The following DDHD2 variants were observed in gnomAD, a reference collection of about 807,000 sequenced individuals.
The protein encoded by DDHD2 is triacylglycerol hydrolase DDHD2.
A neutral mutation model predicts 91.2 loss-of-function variants in DDHD2; 62 were observed. That is an observed-to-expected ratio of 0.68 (90% CI 0.55 to 0.84). The LOEUF (loss-of-function observed/expected upper bound fraction) is 0.84, where lower values mean the gene tolerates loss of function less well. Among genes scored for constraint, DDHD2 ranks in the 40% least tolerant of loss-of-function variants. The pLI is 0.00. For synonymous variants in DDHD2, 271 were observed against 293.9 expected, an observed-to-expected ratio of 0.92 and a Z score of 0.80; for missense variants, 740 against 846.9, an observed-to-expected ratio of 0.87 and a Z score of 1.57.
At chr8:38,268,234 T>C (rs1252691461) in intron 1 of DDHD2, 7 of 1,064,182 alleles carry the variant, frequency 6.6e-6, no homozygotes, top group African/African-American at 1.6e-5. Context: ...AGTGCTATTT[T>C]CCTCTCCCGC....
Position 38,251,902 on chromosome 8 carries a change from T to G in DDHD2, c.1345-10T>G, listed in dbSNP as rs1342988222. ...CCAGCTTCTCCACATAACTATTTTT[T>G]ATTCTTTAGGGTATTAAGAGACCAG... On this transcript the variant is annotated splice_polypyrimidine_tract_variant and intron_variant, in intron 11 of 17. Coordinates refer to ENST00000397166, the MANE Select transcript of DDHD2 (RefSeq NM_015214.3). The G allele has an allele frequency of 6.2e-7, 1 of 1,604,268 alleles. No homozygotes were observed. The highest frequency in any genetic ancestry group is 8.5e-7 in the Non-Finnish European group (1 of 1,171,158).
chr8:38,238,806 CTG>C (rs1185328961), intron 5 of DDHD2: 1 of 555,472 alleles, frequency 1.8e-6, no homozygotes, highest in Non-Finnish European at 2.3e-6. Context: ...GATTCAATAA[CTG>C]TATTATGGTT....
At chr8:38,252,091 T>C in intron 12 of DDHD2, 41 bp from the exon 13 acceptor site, 1 of 1,612,798 alleles carries the variant, frequency 6.2e-7, no homozygotes, top group South Asian at 1.1e-5. Context: ...AGATGTAACT[T>C]TTGTTATTAA....
In DDHD2 at chr8:38,238,143, A is replaced by AT; in HGVS notation, c.556_557insT (p.Thr186IlefsTer14). On this transcript the variant is annotated frameshift_variant, in exon 5 of 18. Coordinates refer to ENST00000397166, the MANE Select transcript of DDHD2 (RefSeq NM_015214.3). LOFTEE classifies it high-confidence loss of function. ...GTCTGATGATTGGGGTTCAACACCC[A>AT]CGGAGCAGGGTCGACCAAGAACTGT... is the stretch of plus-strand genomic sequence containing the variant. 1 of 1,614,008 alleles carries AT rather than the reference A, an allele frequency of 6.2e-7. No homozygotes were observed. Among genetic ancestry groups the AT allele is most frequent in the Non-Finnish European group, 8.5e-7 (1 of 1,179,976 alleles).
In DDHD2 at chr8:38,251,929, C is replaced by T. The variant is rs771195297; in HGVS notation, c.1362C>T (p.Ala454=). 1.2e-6 allele frequency: 2 copies of T among 1,613,876 alleles called. No individual in the cohort carries two copies. Among genetic ancestry groups the T allele is most frequent in the Admixed American group, 3.3e-5 (2 of 60,006 alleles). ...RKNSMGIKRP[A]PQPASGANIP... ...TTCTTTAGGGTATTAAGAGACCAGC[C>T]CCGCAGCCTGCTTCAGGGGCAAACA... Residue 454 remains alanine (A), a synonymous_variant, in exon 12 of 18, where the codon GCC becomes GCT. Coordinates refer to ENST00000397166, the MANE Select transcript of DDHD2 (RefSeq NM_015214.3).
chr8:38,267,325 T>G, downstream of DDHD2: 1 of 1,614,032 alleles, frequency 6.2e-7, no homozygotes, highest in Non-Finnish European at 8.5e-7. Flanking sequence ...CCTTATCCCC[T>G]GTACACATCA....
chr8:38,240,920 A>T (rs1449750283), intron 6 of DDHD2, among the ~76,000 whole-genome samples: 1 of 152,080 alleles, frequency 6.6e-6, no homozygotes, highest in Non-Finnish European at 1.5e-5. Context: ...AAAATACAAA[A>T]ATTAGCCGGG....
At position 38,242,372 on chromosome 8, in the gene DDHD2, A is replaced by C. The variant is rs1168983624; in HGVS notation, c.835A>C (p.Thr279Pro). ...PVNWHSPLHSTGVDVDLQRIT... is the reference protein window; with the variant it reads ...PVNWHSPLHSPGVDVDLQRIT... The stretch of plus-strand genomic sequence containing the variant: ...CAACTGGCACAGTCCTTTGCATTCT[A>C]CTGGTGTGGATGTGTGAGTAATACT... Residue 279 changes from threonine to proline, a missense_variant, in exon 7 of 18, where the codon ACT (threonine) becomes CCT (proline). Physicochemically the swap from Thr to Pro is conservative, Grantham distance 38 (BLOSUM62 -1). Coordinates refer to ENST00000397166, the MANE Select transcript of DDHD2 (RefSeq NM_015214.3). 1 of 1,610,684 alleles carries C rather than the reference A, an allele frequency of 6.2e-7. No individual in the cohort carries two copies.
chr8:38,236,216 G>T (rs1804733085), intron 3 of DDHD2, among the ~76,000 whole-genome samples: 1 of 151,778 alleles, frequency 6.6e-6, no homozygotes, highest in African/African-American at 2.4e-5. Flanking sequence ...GTTTCACCGT[G>T]TTAGCCAGGA....
At chr8:38,247,612 G>GAA in intron 9 of DDHD2, 101 bp from the exon 10 acceptor site, 1 of 708,782 alleles carries the variant, frequency 1.4e-6, no homozygotes, top group Non-Finnish European at 2.1e-6. Context: ...TTAAAGTTAA[G>GAA]ATACATTGCT....
intron 1 of DDHD2, among the ~76,000 whole-genome samples, chr8:38,232,495 G>T (rs1563294306): frequency 2.0e-5 from 3 of 152,240 alleles, no homozygotes; most frequent in Non-Finnish European, 2.9e-5. Context: ...CATCAAAAAT[G>T]ATTGGTTCCT....
intron 10 of DDHD2, among the ~76,000 whole-genome samples, chr8:38,248,296 C>T (rs968644131): frequency 3.3e-5 from 5 of 151,298 alleles, no homozygotes; most frequent in Non-Finnish European, 7.4e-5. Flanking sequence ...TTCCTGACCC[C>T]GTGATCCACC....
intron 1 of DDHD2, 42 bp downstream of exon 1, chr8:38,231,901 G>C (rs1482382831): frequency 2.0e-5 from 3 of 153,712 alleles, no homozygotes; most frequent in Non-Finnish European, 4.3e-5. Context: ...AGGGAGGCCA[G>C]GCTGGGTGCA....
intron 1 of DDHD2, chr8:38,270,402 T>C (rs577547185): frequency 6.6e-6 from 1 of 152,258 alleles, no homozygotes; most frequent in South Asian, 2.1e-4. Flanking sequence ...TACAAATGAG[T>C]TTCTCATATC....
chr8:38,240,106 C>T (rs1805136232), intron 5 of DDHD2, among the ~76,000 whole-genome samples, 169 bp from the exon 6 acceptor site: 1 of 152,106 alleles, frequency 6.6e-6, no homozygotes, highest in South Asian at 2.1e-4. Context: ...AAATTAGAAA[C>T]CAAGTAAAAT....
At chr8:38,259,965 A>G in intron 16 of DDHD2, 75 bp from the exon 17 acceptor site, 1 of 947,470 alleles carries the variant, frequency 1.1e-6, no homozygotes, top group East Asian at 2.4e-5. Flanking sequence ...TGTATGGATT[A>G]AATGAGATAA....
At chr8:38,258,626 T>G (rs1206110075) in intron 16 of DDHD2, among the ~76,000 whole-genome samples, 1 of 152,234 alleles carries the variant, frequency 6.6e-6, no homozygotes, top group Non-Finnish European at 1.5e-5. Context: ...TTATGTACCA[T>G]TTTAATATCT....
chr8:38,253,948 C>T (rs183974563), intron 16 of DDHD2, among the ~76,000 whole-genome samples: 49 of 151,894 alleles, frequency 3.2e-4, no homozygotes, highest in African/African-American at 1.0e-3. Flanking sequence ...TGGTGGTATG[C>T]GCTTATAGTC....
Position 38,260,036 on chromosome 8 carries a change from A to G in DDHD2, c.2055-4A>G. 9 of 1,600,562 alleles carry G rather than the reference A, an allele frequency of 5.6e-6. No homozygotes were observed. Among genetic ancestry groups the G allele is most frequent in the Non-Finnish European group, 6.8e-6 (8 of 1,168,040 alleles). On this transcript the variant is annotated splice_region_variant and splice_polypyrimidine_tract_variant and intron_variant, in intron 16 of 17. Coordinates refer to ENST00000397166, the MANE Select transcript of DDHD2 (RefSeq NM_015214.3). ...TTTCTCAACATAATTTTTTCTCTTTATAGGGAGTCTGAAGATACAGTATTG... is the reference window on the plus strand; with the variant it reads ...TTTCTCAACATAATTTTTTCTCTTTGTAGGGAGTCTGAAGATACAGTATTG...
Sources: gnomAD v4.1 joint callset for allele counts (sites outside exome capture counted in the v4.1 genomes callset) on GRCh38, gnomAD v4.1.1 for gene constraint, MANE v1.5 for transcripts, NCBI Gene and HGNC (gene_info 2026-07-23, HGNC 2026-07-21) for gene names.